The following ANKRD30B variants were observed in gnomAD, a reference collection of about 807,000 sequenced individuals.
The protein encoded by ANKRD30B is ankyrin repeat domain-containing protein 30B.
ANKRD30B carries 144 observed loss-of-function variants against 202.2 expected under a neutral mutation model. That is an observed-to-expected ratio of 0.71 (90% CI 0.62 to 0.82). The LOEUF is 0.82. ANKRD30B is among the 40% of genes least tolerant of loss of function. ANKRD30B has a pLI of 0.00. For missense variants in ANKRD30B, 1,487 were observed against 1,669.1 expected (o/e 0.89, Z 1.90); for synonymous variants, 508 against 561.3 (o/e 0.91, Z 1.34).
intron 20 of ANKRD30B, among the ~76,000 whole-genome samples, chr18:14,798,094 G>C (rs115813590): frequency 0.016 from 2,426 of 152,228 alleles, 70 homozygotes; most frequent in African/African-American, 0.056. Context: ...GCAATGCAAC[G>C]GGGCCTTGTC....
intron 1 of ANKRD30B, among the ~76,000 whole-genome samples, chr18:14,749,973 T>G (rs1322782310): frequency 6.6e-6 from 1 of 151,948 alleles, no homozygotes; most frequent in Non-Finnish European, 1.5e-5. Context: ...GATTAAAAAT[T>G]TTTAATATAC....
At position 14,851,708 on chromosome 18, in the gene ANKRD30B, C is replaced by T. The variant is rs762515915; in HGVS notation, c.3764C>T (p.Thr1255Ile). The T allele has an allele frequency of 5.6e-6, 9 of 1,610,490 alleles. No individual in the cohort carries two copies. In the South Asian group the frequency reaches 7.7e-5, roughly 14 times the overall value. ...ATGACCCTAAAACTGAAACAGAAAA[C>T]AGTAACAAAAAGGGCATCTCAGTAT... ...LQMTLKLKQKTVTKRASQYRE... is the reference protein window; with the variant it reads ...LQMTLKLKQKIVTKRASQYRE... The change falls in exon 42 of 44, where the codon ACA becomes ATA. Residue 1255 changes from threonine to isoleucine, a missense_variant. Thr to Ile is a moderately conservative substitution (Grantham distance 89, BLOSUM62 -1). Around this residue, in one of 6 missense-constraint regions of ANKRD30B, gnomAD observed 177 missense variants for 216.4 expected, o/e 0.82. Transcript: ENST00000690538.
chr18:14,867,376 G>A, the ANKRD30B span, among the ~76,000 whole-genome samples: 3 of 151,578 alleles, frequency 2.0e-5, no homozygotes, highest in African/African-American at 7.3e-5. Context: ...GCAGGTTGTG[G>A]AGGTGGCCAT....
At chr18:14,768,730 G>A in intron 7 of ANKRD30B, among the ~76,000 whole-genome samples, 1 of 152,142 alleles carries the variant, frequency 6.6e-6, no homozygotes, top group Non-Finnish European at 1.5e-5. Flanking sequence ...AGCAGATAAA[G>A]AGAGACTACT....
At chr18:14,921,553 T>C in the ANKRD30B span, among the ~76,000 whole-genome samples, 2 of 125,126 alleles carry the variant, frequency 1.6e-5, no homozygotes, top group African/African-American at 5.3e-5. Flanking sequence ...AGAATCTATG[T>C]AGTAAAAAGG....
chr18:14,887,851 A>G, the ANKRD30B span, among the ~76,000 whole-genome samples: 2 of 151,808 alleles, frequency 1.3e-5, no homozygotes, highest in African/African-American at 4.8e-5. Flanking sequence ...GAACATTATT[A>G]AAGGCCATAT....
intron 7 of ANKRD30B, among the ~76,000 whole-genome samples, chr18:14,765,547 G>C (rs1206666065): frequency 6.6e-6 from 1 of 152,138 alleles, no homozygotes; most frequent in East Asian, 1.9e-4. Flanking sequence ...GCATTGTAGA[G>C]TGAAAGCAGC....
chr18:14,758,848 T>G (rs1914799216), intron 5 of ANKRD30B, among the ~76,000 whole-genome samples: 1 of 152,174 alleles, frequency 6.6e-6, no homozygotes. Context: ...CATTTTTATT[T>G]TGTTACCAGA....
intron 7 of ANKRD30B, among the ~76,000 whole-genome samples, chr18:14,765,873 A>G (rs1916049523): frequency 6.6e-6 from 1 of 152,190 alleles, no homozygotes; most frequent in Non-Finnish European, 1.5e-5. Flanking sequence ...TTTCTTTGCC[A>G]TTATTTTATT....
At chr18:14,871,437 G>A in the ANKRD30B span, among the ~76,000 whole-genome samples, 2 of 151,340 alleles carry the variant, frequency 1.3e-5, no homozygotes, top group Non-Finnish European at 2.9e-5. Flanking sequence ...AGCCCCTGGA[G>A]CTTACTAGGC....
the ANKRD30B span, among the ~76,000 whole-genome samples, chr18:14,860,588 G>A: frequency 6.7e-6 from 1 of 149,882 alleles, no homozygotes; most frequent in Non-Finnish European, 1.5e-5. Flanking sequence ...TCAAACAAAG[G>A]GCCAAATTAC....
At chr18:14,923,073 TAA>T in the ANKRD30B span, among the ~76,000 whole-genome samples, 14 of 152,282 alleles carry the variant, frequency 9.2e-5, no homozygotes, top group Middle Eastern at 3.4e-3. Context: ...ACCTGCCGAA[TAA>T]AGAGTCCACA....
chr18:14,870,543 G>T, the ANKRD30B span, among the ~76,000 whole-genome samples: 1 of 152,150 alleles, frequency 6.6e-6, no homozygotes, highest in Non-Finnish European at 1.5e-5. Flanking sequence ...TCCCACAGGC[G>T]TTTGGAAGCC....
the ANKRD30B span, among the ~76,000 whole-genome samples, chr18:14,863,226 T>C: frequency 1.4e-5 from 2 of 145,820 alleles, no homozygotes; most frequent in African/African-American, 5.1e-5. Context: ...CCTCCAAATC[T>C]CTTGTTGAAT....
intron 1 of ANKRD30B, among the ~76,000 whole-genome samples, chr18:14,748,880 G>A (rs1489079912): frequency 1.3e-5 from 2 of 152,188 alleles, no homozygotes; most frequent in South Asian, 2.1e-4. Flanking sequence ...TCAACCCCAA[G>A]CTTTAGCTGC....
the ANKRD30B span, among the ~76,000 whole-genome samples, chr18:14,875,477 T>A: frequency 6.6e-6 from 1 of 152,056 alleles, no homozygotes; most frequent in African/African-American, 2.4e-5. Flanking sequence ...AAACACTTAT[T>A]GAGCGCTTAC....
At chr18:14,910,308 C>A in the ANKRD30B span, among the ~76,000 whole-genome samples, 1 of 152,000 alleles carries the variant, frequency 6.6e-6, no homozygotes, top group South Asian at 2.1e-4. Flanking sequence ...CTGTTCAGCT[C>A]CCACTCATAC....
At chr18:14,788,205 T>A (rs1968211375) in intron 15 of ANKRD30B, among the ~76,000 whole-genome samples, 1 of 152,178 alleles carries the variant, frequency 6.6e-6, no homozygotes, top group African/African-American at 2.4e-5. Context: ...TTGTTTGAAA[T>A]GTCATTTATT....
chr18:14,838,191 C>G (rs968966588), intron 36 of ANKRD30B, among the ~76,000 whole-genome samples: 5 of 152,234 alleles, frequency 3.3e-5, no homozygotes, highest in Non-Finnish European at 7.3e-5. Flanking sequence ...CATTAGGAAT[C>G]TACTTGAGTT....
Sources: allele counts gnomAD v4.1 joint callset (sites outside exome capture counted in the v4.1 genomes callset), GRCh38; gene constraint gnomAD v4.1.1; regional missense constraint gnomAD v4.1.1; transcripts MANE v1.5; gene names NCBI Gene and HGNC (gene_info 2026-07-23, HGNC 2026-07-21).